Variants in ADD3 observed in about 807,000 individuals in gnomAD.
ADD3 encodes gamma-adducin.
Under a neutral mutation model 80.2 loss-of-function variants are expected in ADD3, and 25 were observed. That is an observed-to-expected ratio of 0.31 (90% CI 0.23 to 0.44). The LOEUF (loss-of-function observed/expected upper bound fraction) is 0.44, where lower values mean the gene tolerates loss of function less well. Among genes scored for constraint, ADD3 ranks in the 20% least tolerant of loss-of-function variants. The probability of loss-of-function intolerance (pLI) is 1.00; values close to 1 mark genes in which losing one functional copy is unlikely to be tolerated. For synonymous variants in ADD3, 284 were observed against 289.6 expected (o/e 0.98, Z 0.20); for missense variants, 829 against 847.5 (o/e 0.98, Z 0.27).
intron 1 of ADD3, among the ~76,000 whole-genome samples, chr10:110,093,964 G>A (rs1847856607): frequency 6.6e-6 from 1 of 151,998 alleles, no homozygotes; most frequent in South Asian, 2.1e-4. Flanking sequence ...GTTAAGGAGG[G>A]GAACTACTGT....
At position 110,060,083 on chromosome 10, in the gene ADD3, T is replaced by C. The variant is rs1858701053; in HGVS notation, c.-29-40542T>C. 2.0e-5 allele frequency among the ~76,000 whole-genome samples: 3 copies of C among 152,156 alleles called. No homozygotes were observed. In the South Asian group the frequency reaches 6.2e-4, roughly 32 times the overall value. ...GAATAGAGTTGAGGCTTGGGAACATTTATGTTTTTTAGACTGCGACTTCCT... is the reference window on the plus strand; with the variant it reads ...GAATAGAGTTGAGGCTTGGGAACATCTATGTTTTTTAGACTGCGACTTCCT... On this transcript the variant is annotated intron_variant, in intron 1 of 14. Coordinates refer to ENST00000356080, the MANE Select transcript of ADD3 (RefSeq NM_016824.5).
At chr10:110,025,907 T>C (rs1854232674) in intron 1 of ADD3, among the ~76,000 whole-genome samples, 1 of 152,124 alleles carries the variant, frequency 6.6e-6, no homozygotes, top group Non-Finnish European at 1.5e-5. Context: ...GATATCTGTT[T>C]TTCCCTTTTC....
At position 110,080,492 on chromosome 10, in the gene ADD3, T is replaced by TA. The variant is rs550260753; in HGVS notation, c.-29-20127dup. Among the ~76,000 whole-genome samples, 119 of 152,342 alleles carry TA rather than the reference T, an allele frequency of 7.8e-4. 1 individual carries two copies. Among genetic ancestry groups the TA allele is most frequent in the Admixed American group, 4.6e-3 (71 of 15,304 alleles). ...TAAGCTATTTTAAAGTTTAAGAATG[T>TA]AAAAAAGGAAAGTTGAATATCATTC... On this transcript the variant is annotated intron_variant, in intron 1 of 14. Transcript: ENST00000356080.
At chr10:110,126,764 T>C (rs1470368313) in intron 12 of ADD3, among the ~76,000 whole-genome samples, 1 of 152,180 alleles carries the variant, frequency 6.6e-6, no homozygotes, top group Non-Finnish European at 1.5e-5. Flanking sequence ...AGGATAGTCG[T>C]GAACACCTGA....
chr10:110,021,376 G>C lies in ADD3; in HGVS notation c.-30+13077G>C, dbSNP rs540927291. ...GCACTTCTCATAGGTATATACCCAA[G>C]AGAATTGAAAATGTGTTCCCACAAA... On this transcript the variant is annotated intron_variant, in intron 1 of 14. Transcript: ENST00000356080. Among the ~76,000 whole-genome samples the C allele has an allele frequency of 3.3e-5, 5 of 152,278 alleles. No individual in the cohort carries two copies. The South Asian group carries it at 8.3e-4, about 25-fold the overall frequency.
chr10:110,105,680 A>G (rs1415238090), intron 2 of ADD3, among the ~76,000 whole-genome samples: 2 of 152,320 alleles, frequency 1.3e-5, no homozygotes, highest in Admixed American at 6.5e-5. Context: ...ACAGTTTTTA[A>G]TAACAGGGCA....
At chr10:110,128,500 C>T (rs1035566809) in intron 12 of ADD3, among the ~76,000 whole-genome samples, 11 of 152,120 alleles carry the variant, frequency 7.2e-5, no homozygotes, top group Admixed American at 7.2e-4. Flanking sequence ...ACTGCAAGCT[C>T]CGCCTTCCTG....
At chr10:110,026,124 A>G (rs1161565019) in intron 1 of ADD3, among the ~76,000 whole-genome samples, 1 of 152,158 alleles carries the variant, frequency 6.6e-6, no homozygotes, top group African/African-American at 2.4e-5. Context: ...CATTATATAG[A>G]AAATTCAGAA....
At chr10:110,029,763 T>C (rs1854768467) in intron 1 of ADD3, among the ~76,000 whole-genome samples, 1 of 152,342 alleles carries the variant, frequency 6.6e-6, no homozygotes, top group Non-Finnish European at 1.5e-5. Context: ...GACAAGACTT[T>C]TCTTACCTGA....
chr10:110,106,057 AGTTT>A (rs1191724199), intron 2 of ADD3: 2 of 152,106 alleles, frequency 1.3e-5, no homozygotes, highest in Admixed American at 1.3e-4. Flanking sequence ...ATTCTAAGTA[AGTTT>A]GTTATGCTCC....
intron 1 of ADD3, among the ~76,000 whole-genome samples, chr10:110,008,602 C>T (rs1368747760): frequency 1.3e-5 from 2 of 152,166 alleles, no homozygotes; most frequent in East Asian, 3.9e-4. Flanking sequence ...CGCGCGTCTG[C>T]TGGTTTTCCC....
intron 1 of ADD3, among the ~76,000 whole-genome samples, chr10:110,080,252 C>A (rs1047960896): frequency 6.6e-6 from 1 of 152,118 alleles, no homozygotes; most frequent in Admixed American, 6.5e-5. Flanking sequence ...GGTCACCTGA[C>A]CTCCTTGAAT....
intron 1 of ADD3, among the ~76,000 whole-genome samples, chr10:110,036,615 G>A (rs934913304): frequency 3.3e-5 from 5 of 151,166 alleles, no homozygotes; most frequent in African/African-American, 1.2e-4. Flanking sequence ...CTCATGATCC[G>A]CCCGCCTTGG....
intron 8 of ADD3, among the ~76,000 whole-genome samples, chr10:110,120,762 A>G (rs1244261181): frequency 1.3e-5 from 2 of 152,194 alleles, no homozygotes; most frequent in Non-Finnish European, 2.9e-5. Flanking sequence ...CTACAAGGCT[A>G]CAGTAACCAA....
chr10:110,058,751 A>C (rs1589917664), intron 1 of ADD3, among the ~76,000 whole-genome samples: 2 of 152,322 alleles, frequency 1.3e-5, no homozygotes, highest in South Asian at 4.1e-4. Context: ...ATGTTGAACT[A>C]TCATTTGGAA....
chr10:110,060,932 G>A (rs1296958900), intron 1 of ADD3, among the ~76,000 whole-genome samples: 1 of 152,182 alleles, frequency 6.6e-6, no homozygotes, highest in Non-Finnish European at 1.5e-5. Flanking sequence ...CGCACATTCT[G>A]TATGACCTTA....
chr10:110,116,245 T>C lies in ADD3; in HGVS notation c.335-14T>C. 6.2e-7 allele frequency: 1 copy of C among 1,612,830 alleles called. No individual in the cohort carries two copies. Among genetic ancestry groups the C allele is most frequent in the Non-Finnish European group, 8.5e-7 (1 of 1,179,370 alleles). On this transcript the variant is annotated splice_polypyrimidine_tract_variant and intron_variant, in intron 3 of 14. Coordinates refer to ENST00000356080, the MANE Select transcript of ADD3 (RefSeq NM_016824.5). Reference sequence around the variant, plus strand: ...CATGACTCGTATCTCTCTCCACATTTTTTGCTCTTTTAGGTCTTGGCATGG... The same window carrying C: ...CATGACTCGTATCTCTCTCCACATTCTTTGCTCTTTTAGGTCTTGGCATGG...
At chr10:110,085,872 G>A (rs963769441) in intron 1 of ADD3, among the ~76,000 whole-genome samples, 6 of 152,162 alleles carry the variant, frequency 3.9e-5, no homozygotes, top group African/African-American at 1.2e-4. Flanking sequence ...TTGGGAGGCC[G>A]AGGCAGGCAG....
At chr10:110,038,656 T>C (rs1855943297) in intron 1 of ADD3, among the ~76,000 whole-genome samples, 1 of 152,154 alleles carries the variant, frequency 6.6e-6, no homozygotes, top group South Asian at 2.1e-4. Context: ...CACATATACA[T>C]ATATATGTTA....
Sources: gnomAD v4.1 joint callset for allele counts (sites outside exome capture counted in the v4.1 genomes callset) on GRCh38, gnomAD v4.1.1 for gene constraint, MANE v1.5 for transcripts, NCBI Gene and HGNC (gene_info 2026-07-23, HGNC 2026-07-21) for gene names.